The following PTK2B variants were observed in gnomAD, a reference collection of about 807,000 sequenced individuals.
The protein encoded by PTK2B is protein-tyrosine kinase 2-beta.
Under a neutral mutation model 142.9 loss-of-function variants are expected in PTK2B, and 71 were observed. The ratio of observed to expected loss-of-function variants is 0.50; its 90% CI spans 0.41 to 0.61. The LOEUF is 0.61. PTK2B is among the 20% of genes least tolerant of loss of function. PTK2B has a pLI of 0.00. For missense variants in PTK2B, 1,105 were observed against 1,320.4 expected, an observed-to-expected ratio of 0.84 and a Z score of 2.53; for synonymous variants, 519 against 503.4, an observed-to-expected ratio of 1.03 and a Z score of -0.42.
chr8:27,352,730 CG>C (rs1304395566), intron 1 of PTK2B, among the ~76,000 whole-genome samples: 4 of 152,168 alleles, frequency 2.6e-5, no homozygotes, highest in Non-Finnish European at 4.4e-5. Flanking sequence ...TTTTGAAAAA[CG>C]GAAGTCTCCC....
At chr8:27,343,665 A>G (rs1804543813) in intron 1 of PTK2B, among the ~76,000 whole-genome samples, 1 of 152,140 alleles carries the variant, frequency 6.6e-6, no homozygotes, top group Admixed American at 6.5e-5. Context: ...TTATTCATTC[A>G]CTGTTACCAT....
At chr8:27,335,873 C>A (rs1214971556) in intron 1 of PTK2B, among the ~76,000 whole-genome samples, 1 of 152,176 alleles carries the variant, frequency 6.6e-6, no homozygotes, top group Non-Finnish European at 1.5e-5. Context: ...CAAAGCAGAT[C>A]TTAGGCAAGA....
intron 3 of PTK2B, among the ~76,000 whole-genome samples, chr8:27,313,865 A>G (rs1156513160): frequency 6.6e-6 from 1 of 152,172 alleles, no homozygotes; most frequent in East Asian, 1.9e-4. Context: ...ATTAACATCA[A>G]GTAACACTTT....
At chr8:27,442,793 C>A in intron 21 of PTK2B, 82 bp from the exon 22 acceptor site, 1 of 1,250,472 alleles carries the variant, frequency 8.0e-7, no homozygotes, top group Non-Finnish European at 1.2e-6. Context: ...CTCTCTGGGC[C>A]TCCACGAAGT....
chr8:27,436,032 A>C (rs1304915973), intron 14 of PTK2B, among the ~76,000 whole-genome samples: 1 of 152,052 alleles, frequency 6.6e-6, no homozygotes, highest in East Asian at 1.9e-4. Context: ...AGTAACGTGG[A>C]CCTGGGACCT....
At chr8:27,351,656 G>A (rs540344770) in intron 1 of PTK2B, among the ~76,000 whole-genome samples, 4 of 152,300 alleles carry the variant, frequency 2.6e-5, no homozygotes, top group Non-Finnish European at 4.4e-5. Flanking sequence ...TCTTTGCAAT[G>A]TAAAACTTTC....
At chr8:27,431,917 G>A (rs1810452253) in intron 9 of PTK2B, among the ~76,000 whole-genome samples, 1 of 152,102 alleles carries the variant, frequency 6.6e-6, no homozygotes, top group South Asian at 2.1e-4. Flanking sequence ...TCAAGCCTGT[G>A]GTCCCAGGAT....
intron 1 of PTK2B, among the ~76,000 whole-genome samples, chr8:27,370,966 G>T (rs1806319233): frequency 6.6e-6 from 1 of 152,092 alleles, no homozygotes; most frequent in Non-Finnish European, 1.5e-5. Context: ...TGCAGTCTCG[G>T]CTTACTGCAG....
intron 1 of PTK2B, among the ~76,000 whole-genome samples, chr8:27,332,488 C>T (rs183013519): frequency 2.6e-4 from 39 of 152,302 alleles, no homozygotes; most frequent in Admixed American, 9.1e-4. Flanking sequence ...CTGAGCCTTA[C>T]TTTGCTAATT....
chr8:27,342,911 G>A (rs1804494757), intron 1 of PTK2B, among the ~76,000 whole-genome samples: 4 of 152,122 alleles, frequency 2.6e-5, no homozygotes, highest in Admixed American at 2.6e-4. Context: ...AAAGCAAACC[G>A]AGACCTGTTT....
rs202227610 is a variant in PTK2B, at chr8:27,454,141, G to A, written c.2596-13G>A. On this transcript the variant is annotated splice_polypyrimidine_tract_variant and intron_variant, in intron 28 of 30. Coordinates refer to ENST00000346049, the MANE Select transcript of PTK2B (RefSeq NM_173176.3). ...TCTCCCCAACTCACTGGCCACCTGC[G>A]TCTTCCCCTCAGTCCATCCAGCCCA... is the stretch of plus-strand genomic sequence containing the variant. The A allele has an allele frequency of 3.7e-5, 59 of 1,613,878 alleles. No individual in the cohort carries two copies. The East Asian group carries it at 6.9e-4, about 19-fold the overall frequency.
At chr8:27,344,006 A>T (rs1391517898) in intron 1 of PTK2B, among the ~76,000 whole-genome samples, 1 of 152,132 alleles carries the variant, frequency 6.6e-6, no homozygotes, top group African/African-American at 2.4e-5. Context: ...CCGTCTCAAA[A>T]AAATAAATAA....
At chr8:27,337,256 C>T (rs1262590619) in intron 1 of PTK2B, among the ~76,000 whole-genome samples, 3 of 152,104 alleles carry the variant, frequency 2.0e-5, no homozygotes, top group Non-Finnish European at 4.4e-5. Flanking sequence ...CTGCCTCAGC[C>T]TCCCAAGTAG....
intron 1 of PTK2B, among the ~76,000 whole-genome samples, chr8:27,335,783 G>C (rs1018701654): frequency 6.6e-6 from 1 of 152,146 alleles, no homozygotes; most frequent in African/African-American, 2.4e-5. Context: ...TGAGTCCCCT[G>C]GGTAAGCCTG....
rs755756867 is a variant in PTK2B at position 27,451,039 on chromosome 8, G to A, written c.2488-4G>A. 2.5e-6 allele frequency: 4 copies of A among 1,612,670 alleles called. No individual in the cohort carries two copies. Among genetic ancestry groups the A allele is most frequent in the Middle Eastern group, 1.6e-4 (1 of 6,062 alleles). On this transcript the variant is annotated splice_polypyrimidine_tract_variant and splice_region_variant and intron_variant, in intron 25 of 30. Coordinates refer to ENST00000346049, the MANE Select transcript of PTK2B (RefSeq NM_173176.3). ...GTCCTTCGCTCTTGTTTCTTCCTCTGCAGGACCCCATGGTTTATATGAATG... is the reference window on the plus strand; with the variant it reads ...GTCCTTCGCTCTTGTTTCTTCCTCTACAGGACCCCATGGTTTATATGAATG...
intron 14 of PTK2B, 122 bp from the exon 15 acceptor site, chr8:27,436,129 T>C: frequency 1.1e-6 from 1 of 947,186 alleles, no homozygotes; most frequent in East Asian, 2.4e-5. Context: ...GCCCAGTCCC[T>C]GGATCTTGGC....
chr8:27,342,912 A>C (rs1402301856), intron 1 of PTK2B, among the ~76,000 whole-genome samples: 26 of 152,286 alleles, frequency 1.7e-4, no homozygotes. Context: ...AAGCAAACCG[A>C]GACCTGTTTA....
intron 3 of PTK2B, among the ~76,000 whole-genome samples, chr8:27,316,010 A>G (rs142543842): frequency 6.6e-6 from 1 of 152,268 alleles, no homozygotes; most frequent in African/African-American, 2.4e-5. Flanking sequence ...ACTAGAACCA[A>G]TCTGTCACCA....
In PTK2B at chr8:27,444,407, A is replaced by C. The variant is rs748101556; in HGVS notation, c.2214+136A>C. The C allele has an allele frequency of 2.5e-5, 23 of 917,314 alleles. No individual in the cohort carries two copies. In the African/African-American group the frequency reaches 3.5e-4, roughly 14 times the overall value. 56.8% of individuals were successfully genotyped at this position (917,314 alleles called of 1,614,324 possible). ...TGGCCTAGGTTGACTCTTCTTTGGC[A>C]CCCAGAACAGAATGCAGACTCAGAT... On this transcript the variant is annotated intron_variant, in intron 23 of 30. Transcript: ENST00000346049.
Sources: gnomAD v4.1 joint callset for allele counts (sites outside exome capture counted in the v4.1 genomes callset) on GRCh38, gnomAD v4.1.1 for gene constraint, MANE v1.5 for transcripts, NCBI Gene and HGNC (gene_info 2026-07-23, HGNC 2026-07-21) for gene names.